DPP6: variants seen among roughly 807,000 people sequenced by gnomAD.
The protein encoded by DPP6 is A-type potassium channel modulatory protein DPP6.
Under a neutral mutation model 122.6 loss-of-function variants are expected in DPP6, and 69 were observed. That is an observed-to-expected ratio of 0.56 (90% CI 0.46 to 0.69). The LOEUF (loss-of-function observed/expected upper bound fraction) is 0.69, where lower values mean the gene tolerates loss of function less well. DPP6 is among the 30% of genes least tolerant of loss of function. The pLI is 0.00. For synonymous variants in DPP6, 418 were observed against 433.1 expected (o/e 0.97, Z 0.43); for missense variants, 928 against 1,116.9 (o/e 0.83, Z 2.41).
the DPP6 span, among the ~76,000 whole-genome samples, chr7:153,754,272 T>C: frequency 6.6e-6 from 1 of 152,216 alleles, no homozygotes; most frequent in Non-Finnish European, 1.5e-5. Flanking sequence ...GAATCCCACC[T>C]ACATTTTTAC....
rs1186694325 is a variant in DPP6 at position 154,063,442 on chromosome 7, G to T, written c.243+10379G>T. Among the ~76,000 whole-genome samples the T allele has an allele frequency of 6.5e-5, 7 of 108,452 alleles. 1 individual carries two copies. The highest frequency in any genetic ancestry group is 7.2e-4 in the South Asian group (2 of 2,770). The allele number at this position is 108,452 out of a possible 152,430, so 71.1% of individuals were successfully genotyped here. A position where few individuals can be genotyped will look rare whatever the true frequency, so the allele number is the denominator to read the frequency against. ...GGCTGTTGGTACCCCCATCGCAAGG[G>T]GGGGAGGCACCTCCCGCGAGGCAGG... On this transcript the variant is annotated intron_variant, in intron 1 of 25. Transcript: ENST00000377770.
chr7:153,927,323 G>T (rs1287883621), intron 1 of DPP6, among the ~76,000 whole-genome samples: 1 of 152,146 alleles, frequency 6.6e-6, no homozygotes, highest in Non-Finnish European at 1.5e-5. Context: ...TAAAATCAAT[G>T]AGTAAATAAA....
At chr7:154,870,242 A>G (rs1156825471) in intron 18 of DPP6, among the ~76,000 whole-genome samples, 1 of 148,282 alleles carries the variant, frequency 6.7e-6, no homozygotes, top group Non-Finnish European at 1.5e-5. Flanking sequence ...TCAGTCCCCC[A>G]AAGTGCCAGG....
chr7:154,824,931 T>A (rs935499522), intron 16 of DPP6, among the ~76,000 whole-genome samples: 1 of 152,220 alleles, frequency 6.6e-6, no homozygotes, highest in African/African-American at 2.4e-5. Flanking sequence ...CTCTGGTCAG[T>A]CATTGCCATT....
At position 154,143,539 on chromosome 7, in the gene DPP6, A is replaced by G. The variant is rs866843244; in HGVS notation, c.243+90476A>G. Among the ~76,000 whole-genome samples the G allele has an allele frequency of 3.9e-5, 6 of 152,202 alleles. No homozygotes were observed. The South Asian group carries it at 1.0e-3, about 26-fold the overall frequency. ...CAAAAGGGAAATACAAAAGTGACCT[A>G]TACTCTAATCACCCAAACAGAATCA... On this transcript the variant is annotated intron_variant, in intron 1 of 25. Coordinates refer to ENST00000377770, the MANE Select transcript of DPP6 (RefSeq NM_130797.4).
chr7:154,252,238 G>A (rs866099626), intron 1 of DPP6, among the ~76,000 whole-genome samples: 12 of 152,218 alleles, frequency 7.9e-5, no homozygotes, highest in South Asian at 6.2e-4. Context: ...GTGTGTGTGC[G>A]CGCATGCGCA....
intron 7 of DPP6, among the ~76,000 whole-genome samples, chr7:154,723,534 C>T (rs1841925440): frequency 6.6e-6 from 1 of 151,436 alleles, no homozygotes; most frequent in African/African-American, 2.4e-5. Flanking sequence ...AGAACAGCTG[C>T]TGAAATTAAA....
chr7:154,328,272 G>T (rs750873486), intron 1 of DPP6, among the ~76,000 whole-genome samples: 1 of 152,196 alleles, frequency 6.6e-6, no homozygotes, highest in Non-Finnish European at 1.5e-5. Context: ...ATAGTCCAGC[G>T]CTGGAGGCAC....
the DPP6 span, among the ~76,000 whole-genome samples, chr7:153,766,238 C>T: frequency 7.0e-4 from 107 of 152,172 alleles, no homozygotes; most frequent in Non-Finnish European, 1.3e-3. Flanking sequence ...GGAAAGGAGA[C>T]TTGAAATAGG....
chr7:154,769,622 C>T, intron 9 of DPP6, 51 bp downstream of exon 9: 1 of 1,488,548 alleles, frequency 6.7e-7, no homozygotes. Context: ...TCATGAACAC[C>T]CCAACCCTGC....
chr7:153,868,365 C>G, the DPP6 span, among the ~76,000 whole-genome samples: 2 of 152,032 alleles, frequency 1.3e-5, no homozygotes, highest in Non-Finnish European at 2.9e-5. Context: ...CAAATTCTTC[C>G]TGGTTTAGTC....
intron 1 of DPP6, among the ~76,000 whole-genome samples, chr7:154,077,122 A>T (rs1803613424): frequency 6.6e-6 from 1 of 152,182 alleles, no homozygotes; most frequent in Non-Finnish European, 1.5e-5. Context: ...ACTAAAAATA[A>T]TGTTTGCTTC....
At chr7:154,748,762 G>C (rs1010431043) in intron 8 of DPP6, among the ~76,000 whole-genome samples, 1 of 152,182 alleles carries the variant, frequency 6.6e-6, no homozygotes, top group Non-Finnish European at 1.5e-5. Flanking sequence ...AGCAGTGGAT[G>C]CGCTGGTTGG....
intron 1 of DPP6, among the ~76,000 whole-genome samples, chr7:154,410,272 A>G (rs962096846): frequency 2.0e-5 from 3 of 152,232 alleles, no homozygotes; most frequent in Non-Finnish European, 4.4e-5. Flanking sequence ...TGAAGGGTTT[A>G]TTTAGATATG....
At chr7:154,167,129 G>A (rs10262680) in intron 1 of DPP6, among the ~76,000 whole-genome samples, 123,076 of 151,348 alleles carry the variant, frequency 0.81, 50,426 homozygotes, top group East Asian at 1. Flanking sequence ...CAGACCATTC[G>A]TCTTTCCCTG....
intron 1 of DPP6, among the ~76,000 whole-genome samples, chr7:153,936,409 G>A (rs974370042): frequency 1.3e-5 from 2 of 152,280 alleles, no homozygotes; most frequent in African/African-American, 4.8e-5. Context: ...GAGACCGCGA[G>A]CTCGTCACCC....
chr7:153,939,951 G>A (rs545878471), intron 1 of DPP6, among the ~76,000 whole-genome samples: 2 of 152,302 alleles, frequency 1.3e-5, no homozygotes, highest in Non-Finnish European at 2.9e-5. Context: ...ATGCCCGATC[G>A]TAAGGAGCAT....
intron 1 of DPP6, among the ~76,000 whole-genome samples, chr7:154,254,128 A>T (rs1802517414): frequency 1.3e-5 from 2 of 152,226 alleles, no homozygotes; most frequent in South Asian, 4.1e-4. Flanking sequence ...AAACTGTATC[A>T]ACCACATTTA....
chr7:154,350,754 A>C (rs901503861), intron 1 of DPP6, among the ~76,000 whole-genome samples: 1 of 152,194 alleles, frequency 6.6e-6, no homozygotes, highest in Non-Finnish European at 1.5e-5. Context: ...TGGAGCAGAC[A>C]ATGTGTTTAA....
Sources: allele counts gnomAD v4.1 joint callset (sites outside exome capture counted in the v4.1 genomes callset), GRCh38; gene constraint gnomAD v4.1.1; transcripts MANE v1.5; gene names NCBI Gene and HGNC (gene_info 2026-07-23, HGNC 2026-07-21).